The following DIAPH2 variants were observed in gnomAD, a reference collection of about 807,000 sequenced individuals.
DIAPH2 encodes the protein protein diaphanous homolog 2.
In DIAPH2, 35 loss-of-function variants were observed where a neutral mutation model predicts 92.7. The ratio of observed to expected loss-of-function variants is 0.38; its 90% CI spans 0.29 to 0.50. The LOEUF is 0.50. Among genes scored for constraint, DIAPH2 ranks in the 20% least tolerant of loss-of-function variants. The pLI is 0.94. For missense variants in DIAPH2, 701 were observed against 819.5 expected, an observed-to-expected ratio of 0.86 and a Z score of 1.77; for synonymous variants, 301 against 280.4, an observed-to-expected ratio of 1.07 and a Z score of -0.73.
At chrX:97,203,801 CT>C (rs1203263729) in intron 22 of DIAPH2, among the ~76,000 whole-genome samples, 1 of 111,675 alleles carries the variant, frequency 9.0e-6, no homozygotes, top group Admixed American at 9.5e-5. Flanking sequence ...AAAAGAGGGA[CT>C]CCTCCCTAAC....
chrX:97,465,707 A>T (rs1477407191), intron 26 of DIAPH2, among the ~76,000 whole-genome samples: 1 of 111,251 alleles, frequency 9.0e-6, no homozygotes, highest in East Asian at 2.8e-4. Flanking sequence ...GTTTGTTTTG[A>T]GGTGAAGTTT....
intron 17 of DIAPH2, among the ~76,000 whole-genome samples, chrX:96,994,612 A>G (rs1356619849): frequency 9.0e-6 from 1 of 111,347 alleles, no homozygotes; most frequent in African/African-American, 3.3e-5. Flanking sequence ...AAGGAAATAC[A>G]TGAGACAGGG....
At chrX:96,838,747 A>G (rs1480927870) in intron 4 of DIAPH2, among the ~76,000 whole-genome samples, 1 of 112,157 alleles carries the variant, frequency 8.9e-6, no homozygotes, top group Non-Finnish European at 1.9e-5. Context: ...TTGACTCATT[A>G]TGAAGCTCTA....
In DIAPH2 at chrX:96,715,901, CT is replaced by C. The variant is rs768592472; in HGVS notation, c.133-19842del. On this transcript the variant is annotated intron_variant, in intron 1 of 26. Transcript: ENST00000324765. ...TTGTCTTCTTTGCTTTTGGTTTAAT[CT>C]TTTTTTTTTTTTTTCTTCTTGTCTT... is the stretch of plus-strand genomic sequence containing the variant. Among the ~76,000 whole-genome samples, 430 of 99,679 alleles carry C rather than the reference CT, an allele frequency of 4.3e-3. 2 individuals are homozygous for C. Among genetic ancestry groups the C allele is most frequent in the African/African-American group, 9.6e-3 (266 of 27,786 alleles). 86.6% of individuals were successfully genotyped at this position (99,679 alleles called of 115,157 possible).
intron 24 of DIAPH2, among the ~76,000 whole-genome samples, chrX:97,380,025 T>C (rs2049495885): frequency 9.0e-6 from 1 of 111,111 alleles, no homozygotes; most frequent in Admixed American, 9.6e-5. Flanking sequence ...ATTTAGTGAT[T>C]ATGCATAGCA....
At chrX:97,519,722 A>AT (rs1425075710) in intron 26 of DIAPH2, among the ~76,000 whole-genome samples, 12 of 110,622 alleles carry the variant, frequency 1.1e-4, no homozygotes, top group Admixed American at 9.6e-5. Context: ...TTTTTTATTT[A>AT]TTTTTATTTT....
At chrX:97,533,237 A>G (rs1351807807) in intron 26 of DIAPH2, 1 of 111,327 alleles carries the variant, frequency 9.0e-6, no homozygotes, top group African/African-American at 3.3e-5. Flanking sequence ...CAAATTCAGG[A>G]AATGTATCAT....
chrX:97,211,437 G>A (rs1268471029), intron 22 of DIAPH2, among the ~76,000 whole-genome samples: 1 of 111,458 alleles, frequency 9.0e-6, no homozygotes, highest in Non-Finnish European at 1.9e-5. Flanking sequence ...TCATAGATTG[G>A]TATAGGCGGG....
chrX:97,275,764 G>GC (rs1271181197), intron 23 of DIAPH2, among the ~76,000 whole-genome samples: 1 of 109,148 alleles, frequency 9.2e-6, no homozygotes, highest in Non-Finnish European at 1.9e-5. Flanking sequence ...CGGGATGGCG[G>GC]CCGGGAAGAG....
chrX:97,514,494 C>A (rs766872549), intron 26 of DIAPH2, among the ~76,000 whole-genome samples: 1 of 112,801 alleles, frequency 8.9e-6, no homozygotes, highest in Non-Finnish European at 1.9e-5. Flanking sequence ...TCGTCTGAAG[C>A]CTTCTTCTCT....
At chrX:96,840,349 C>G (rs1290914188) in intron 4 of DIAPH2, among the ~76,000 whole-genome samples, 1 of 111,560 alleles carries the variant, frequency 9.0e-6, no homozygotes, top group Non-Finnish European at 1.9e-5. Flanking sequence ...ATTGGAAAAT[C>G]CAGGTGAGAG....
At chrX:97,423,139 T>A in intron 25 of DIAPH2, among the ~76,000 whole-genome samples, 1 of 111,263 alleles carries the variant, frequency 9.0e-6, no homozygotes, top group Non-Finnish European at 1.9e-5. Context: ...CCCAAATCTT[T>A]TATAATGGAC....
chrX:96,900,530 G>A (rs1301923054), intron 5 of DIAPH2, among the ~76,000 whole-genome samples: 2 of 111,268 alleles, frequency 1.8e-5, no homozygotes, highest in Non-Finnish European at 3.8e-5. Flanking sequence ...GGTGAAAGTA[G>A]GCATCCTTGT....
At chrX:97,333,118 G>A (rs972944202) in intron 23 of DIAPH2, among the ~76,000 whole-genome samples, 1 of 111,459 alleles carries the variant, frequency 9.0e-6, no homozygotes, top group African/African-American at 3.3e-5. Flanking sequence ...AAGCATATTC[G>A]GACTAAAGGA....
intron 22 of DIAPH2, among the ~76,000 whole-genome samples, chrX:97,146,901 A>G (rs1466048478): frequency 1.8e-5 from 2 of 111,939 alleles, no homozygotes; most frequent in Non-Finnish European, 3.8e-5. Flanking sequence ...CTACAGGATT[A>G]TTTTCAGTCT....
At chrX:97,164,563 G>A (rs1469649270) in intron 22 of DIAPH2, among the ~76,000 whole-genome samples, 2 of 112,048 alleles carry the variant, frequency 1.8e-5, no homozygotes, top group Non-Finnish European at 3.8e-5. Flanking sequence ...ATTTAGAAAT[G>A]TATGTCTTCT....
At chrX:97,160,700 G>A (rs2067363125) in intron 22 of DIAPH2, among the ~76,000 whole-genome samples, 1 of 111,594 alleles carries the variant, frequency 9.0e-6, no homozygotes, top group Admixed American at 9.5e-5. Context: ...GCTAGAGTTT[G>A]CTCAGGATCT....
chrX:96,776,213 T>G (rs1166206585), intron 4 of DIAPH2, among the ~76,000 whole-genome samples: 4 of 111,123 alleles, frequency 3.6e-5, no homozygotes, highest in African/African-American at 1.3e-4. Flanking sequence ...TTCTTTTCTT[T>G]TCTTTCTGTG....
At chrX:96,855,761 T>C (rs755026416) in intron 4 of DIAPH2, among the ~76,000 whole-genome samples, 1 of 110,588 alleles carries the variant, frequency 9.0e-6, no homozygotes, top group Admixed American at 9.7e-5. Context: ...GCAAAGAGAA[T>C]AGGAAATTTT....
Sources: allele counts gnomAD v4.1 joint callset (sites outside exome capture counted in the v4.1 genomes callset), GRCh38; gene constraint gnomAD v4.1.1; transcripts MANE v1.5; gene names NCBI Gene and HGNC (gene_info 2026-07-23, HGNC 2026-07-21).